The following RCN2 variants were observed in gnomAD, a reference collection of about 807,000 sequenced individuals.
The protein encoded by RCN2 is reticulocalbin 2.
RCN2 carries 23 observed loss-of-function variants against 37.5 expected under a neutral mutation model. That is an observed-to-expected ratio of 0.61 (90% CI 0.44 to 0.87). The LOEUF is 0.87. Ranked by LOEUF, RCN2 falls within the 40% of genes least tolerant of loss-of-function variation. The pLI is 0.00. For missense variants in RCN2, 381 were observed against 390.4 expected, an observed-to-expected ratio of 0.98 and a Z score of 0.20; for synonymous variants, 140 against 144.6, an observed-to-expected ratio of 0.97 and a Z score of 0.23.
At chr15:76,947,931 A>G (rs2075303192) in intron 5 of RCN2, 2 of 162,508 alleles carry the variant, frequency 1.2e-5, no homozygotes, top group Non-Finnish European at 2.7e-5. Context: ...GTTTGAAATT[A>G]AGAGTTTGCT....
At chr15:76,933,585 G>T (rs992187416) in intron 2 of RCN2, among the ~76,000 whole-genome samples, 1 of 152,134 alleles carries the variant, frequency 6.6e-6, no homozygotes, top group African/African-American at 2.4e-5. Context: ...TAATAGTAAG[G>T]TTTTAAGAAG....
chr15:76,936,833 A>G (rs1242274569), intron 3 of RCN2, among the ~76,000 whole-genome samples: 1 of 152,214 alleles, frequency 6.6e-6, no homozygotes, highest in Non-Finnish European at 1.5e-5. Flanking sequence ...TTTAAAGTGT[A>G]CAGTTGAGTA....
At chr15:76,935,851 C>G in intron 3 of RCN2, 129 bp downstream of exon 3, 1 of 617,790 alleles carries the variant, frequency 1.6e-6, no homozygotes, top group South Asian at 2.4e-5. Flanking sequence ...TCACCTGTTC[C>G]ACTTCAGCAG....
chr15:76,935,791 C>A, intron 3 of RCN2, 69 bp downstream of exon 3: 5 of 1,172,692 alleles, frequency 4.3e-6, no homozygotes, highest in Non-Finnish European at 6.2e-6. Flanking sequence ...CATGAATGAG[C>A]ACATTGAGGG....
Position 76,937,381 on chromosome 15 carries a change from A to T in RCN2, c.447+1659A>T, listed in dbSNP as rs150650486. On this transcript the variant is annotated intron_variant, in intron 3 of 6. Transcript: ENST00000394885. ...TTGAGAAACCACAGTACCATTTTTC[A>T]TAGTGAGTACACCCTTTAAAATTAC... 8.6e-5 allele frequency among the ~76,000 whole-genome samples: 13 copies of T among 151,640 alleles called. No homozygotes were observed. In the East Asian group the frequency reaches 1.9e-3, roughly 23 times the overall value.
Position 76,931,827 on chromosome 15 carries a change from C to T in RCN2, c.-15C>T. On this transcript the variant is annotated 5_prime_UTR_variant, in exon 1 of 7. Transcript: ENST00000394885. ...CCCTCCTCGCGTCCCTCGGTGTCCTCCGCGGGCCGGCGCGATGCGGCTGGG... is the reference window on the plus strand; with the variant it reads ...CCCTCCTCGCGTCCCTCGGTGTCCTTCGCGGGCCGGCGCGATGCGGCTGGG... The T allele has an allele frequency of 8.2e-7, 1 of 1,219,590 alleles. No individual in the cohort carries two copies. Among genetic ancestry groups the T allele is most frequent in the Non-Finnish European group, 1.0e-6 (1 of 981,790 alleles). 75.5% of individuals were successfully genotyped at this position (1,219,590 alleles called of 1,614,324 possible). A position where few individuals can be genotyped will look rare whatever the true frequency, so the allele number is the denominator to read the frequency against.
chr15:76,947,383 G>A lies in RCN2; in HGVS notation c.562-38G>A, dbSNP rs113653855. 53 of 1,356,174 alleles carry A rather than the reference G, an allele frequency of 3.9e-5. No individual in the cohort carries two copies. In the African/African-American group the frequency reaches 6.2e-4, roughly 16 times the overall value. The allele number at this position is 1,356,174 out of a possible 1,614,324, so 84.0% of individuals were successfully genotyped here. A position where few individuals can be genotyped will look rare whatever the true frequency, so the allele number is the denominator to read the frequency against. On this transcript the variant is annotated intron_variant, in intron 4 of 6. Transcript: ENST00000394885. ...GGATGGCAGTGGGACTGAACATTTT[G>A]TAACTTTTTTTTTTCTTTTTTAATG... is the stretch of plus-strand genomic sequence containing the variant.
rs747617109 is a variant in RCN2 at position 76,935,730 on chromosome 15, C to T, written c.447+8C>T. On this transcript the variant is annotated splice_region_variant and intron_variant, in intron 3 of 6. Transcript: ENST00000394885. ...GAGGAGTCCTTTAGGAAGGTGAGTT[C>T]ATGTGCACAAGCTGTTTCTTTTGAT... The T allele has an allele frequency of 5.0e-6, 8 of 1,602,052 alleles. No homozygotes were observed. The highest frequency in any genetic ancestry group is 4.5e-5 in the East Asian group (2 of 44,538).
chr15:76,935,546 C>A lies in RCN2; in HGVS notation c.271C>A (p.Gln91Lys). Residue 91 changes from glutamine (Q) to lysine (K), a missense_variant, in exon 3 of 7, where the codon CAG becomes AAG. Transcript: ENST00000394885. Reference protein sequence around the residue: ...LTESELSSWIQMSFKHYAMQE... With the variant: ...LTESELSSWIKMSFKHYAMQE... ...CATAGGTGAACTCAGTTCATGGATT[C>A]AGATGTCTTTTAAGCATTATGCTAT... is the stretch of plus-strand genomic sequence containing the variant. 6.2e-7 allele frequency: 1 copy of A among 1,612,560 alleles called. No individual in the cohort carries two copies. Among genetic ancestry groups the A allele is most frequent in the South Asian group, 1.1e-5 (1 of 90,862 alleles).
At position 76,949,258 on chromosome 15, in the gene RCN2, T is replaced by A. The variant is rs761539651; in HGVS notation, c.*36T>A. Reference sequence around the variant, plus strand: ...TGTCTCAGTAGAGTACTGGCTCCTTTTATAATTTGTTACCAGCTTTACTTT... The same window carrying A: ...TGTCTCAGTAGAGTACTGGCTCCTTATATAATTTGTTACCAGCTTTACTTT... On this transcript the variant is annotated 3_prime_UTR_variant, in exon 7 of 7. Transcript: ENST00000394885. The A allele has an allele frequency of 7.3e-6, 10 of 1,373,752 alleles. No individual in the cohort carries two copies. The South Asian group carries it at 1.6e-4, about 22-fold the overall frequency. 85.1% of individuals were successfully genotyped at this position (1,373,752 alleles called of 1,614,324 possible).
chr15:76,951,421 G>T lies in RCN2; in HGVS notation c.*2199G>T, dbSNP rs2075320150. 1 of 152,182 alleles carries T rather than the reference G, an allele frequency of 6.6e-6. No homozygotes were observed. Among genetic ancestry groups the T allele is most frequent in the Admixed American group, 6.5e-5 (1 of 15,286 alleles). The allele number at this position is 152,182 out of a possible 1,614,324, so 9.4% of individuals were successfully genotyped here. ...ATCTTGAGTCTGTGTAGGTCAGCTG[G>T]ATCCACAGTGGGCTTTGTATGATCA... On this transcript the variant is annotated 3_prime_UTR_variant, in exon 7 of 7. Coordinates refer to ENST00000394885, the MANE Select transcript of RCN2 (RefSeq NM_002902.3).
intron 3 of RCN2, among the ~76,000 whole-genome samples, chr15:76,941,054 G>T (rs865832370): frequency 2.8e-4 from 43 of 151,976 alleles, no homozygotes; most frequent in African/African-American, 1.0e-3. Flanking sequence ...TTTGTTTTGA[G>T]ACGGAGTCTT....
chr15:76,942,722 G>C (rs2075280892), intron 3 of RCN2: 1 of 152,196 alleles, frequency 6.6e-6, no homozygotes, highest in South Asian at 2.1e-4. Context: ...CAGGTGGATA[G>C]CCTGAGCTCA....
rs1416109874 is a variant in RCN2, at chr15:76,948,482, A to T, written c.731A>T (p.Asp244Val). The change falls in exon 6 of 7, where the codon GAT (aspartate) becomes GTT (valine). Residue 244 changes from aspartate (D) to valine (V), a missense_variant. Transcript: ENST00000394885. ...GTGAATGATTATGACAAAGATAACG[A>T]TGGCAGGCTTGATCCCCAAGAGCTG... is the stretch of plus-strand genomic sequence containing the variant. ...RFVNDYDKDNDGRLDPQELLP... is the reference protein window; with the variant it reads ...RFVNDYDKDNVGRLDPQELLP... The T allele has an allele frequency of 6.2e-7, 1 of 1,610,174 alleles. No homozygotes were observed. The highest frequency in any genetic ancestry group is 1.3e-5 in the African/African-American group (1 of 74,876).
intron 4 of RCN2, among the ~76,000 whole-genome samples, chr15:76,944,874 T>C (rs2152651379): frequency 6.6e-6 from 1 of 152,370 alleles, no homozygotes; most frequent in Non-Finnish European, 1.5e-5. Context: ...AGTGGTTTCC[T>C]TTCTTTTGGG....
rs950759138 is a variant in RCN2, at chr15:76,950,354, C to G, written c.*1132C>G. On this transcript the variant is annotated 3_prime_UTR_variant, in exon 7 of 7. Coordinates refer to ENST00000394885, the MANE Select transcript of RCN2 (RefSeq NM_002902.3). ...AGTGAAGGGAGGAATTAATTTTTTT[C>G]TAGTTCTGATGTACAGAGATTGTTT... 6.8e-6 allele frequency: 1 copy of G among 147,426 alleles called. No homozygotes were observed. Among genetic ancestry groups the G allele is most frequent in the Non-Finnish European group, 1.5e-5 (1 of 66,808 alleles). 9.1% of individuals were successfully genotyped at this position (147,426 alleles called of 1,614,324 possible).
intron 3 of RCN2, among the ~76,000 whole-genome samples, chr15:76,938,417 T>C (rs934706908): frequency 2.0e-5 from 3 of 152,194 alleles, no homozygotes; most frequent in African/African-American, 7.2e-5. Flanking sequence ...TGGGTTTTGG[T>C]ATCTGTGGGA....
chr15:76,953,978 C>G lies in RCN2; in HGVS notation c.*4756C>G, dbSNP rs1170952831. 1 of 151,416 alleles carries G rather than the reference C, an allele frequency of 6.6e-6. No individual in the cohort carries two copies. Among genetic ancestry groups the G allele is most frequent in the Non-Finnish European group, 1.5e-5 (1 of 67,918 alleles). The allele number at this position is 151,416 out of a possible 1,614,324, so 9.4% of individuals were successfully genotyped here. On this transcript the variant is annotated 3_prime_UTR_variant, in exon 7 of 7. Coordinates refer to ENST00000394885, the MANE Select transcript of RCN2 (RefSeq NM_002902.3). ...ACAGCAGCTGTGCCATTTTGCATTT[C>G]CACCAATAGTGCACAAGAGTTCCAG...
chr15:76,933,241 T>A (rs1368650346), intron 2 of RCN2, among the ~76,000 whole-genome samples: 1 of 152,222 alleles, frequency 6.6e-6, no homozygotes, highest in Non-Finnish European at 1.5e-5. Context: ...TCAGAAAAAT[T>A]CAGGTTGTTA....
Sources: gnomAD v4.1 joint callset for allele counts (sites outside exome capture counted in the v4.1 genomes callset) on GRCh38, gnomAD v4.1.1 for gene constraint, MANE v1.5 for transcripts, NCBI Gene and HGNC (gene_info 2026-07-23, HGNC 2026-07-21) for gene names.